Variants in SPATC1L observed in about 807,000 individuals in gnomAD.
SPATC1L encodes the protein spermatogenesis and centriole associated 1 like.
In SPATC1L, 20 loss-of-function variants were observed where a neutral mutation model predicts 21.2. The ratio of observed to expected loss-of-function variants is 0.94; its 90% CI spans 0.66 to 1.37. SPATC1L has a LOEUF of 1.37. Ranked by LOEUF, SPATC1L falls within the 40% of genes most tolerant of loss-of-function variation. SPATC1L has a pLI of 0.00. For missense variants in SPATC1L, 499 were observed against 478.7 expected (o/e 1.04, Z -0.40); for synonymous variants, 290 against 234.5 (o/e 1.24, Z -2.16).
Position 46,183,163 on chromosome 21 carries a change from C to A in SPATC1L, c.-347G>T. ...GTCCAAGCCACTCCCCATTGAGCGGCCCAGCCAGGGTCGGGTGTCCACCCT... is the reference window on the plus strand; with the variant it reads ...GTCCAAGCCACTCCCCATTGAGCGGACCAGCCAGGGTCGGGTGTCCACCCT... On this transcript the variant is annotated 5_prime_UTR_variant, in exon 2 of 5. Coordinates refer to ENST00000291672, the MANE Select transcript of SPATC1L (RefSeq NM_001142854.2). 1 of 308,926 alleles carries A rather than the reference C, an allele frequency of 3.2e-6. No homozygotes were observed. The highest frequency in any genetic ancestry group is 6.0e-6 in the Non-Finnish European group (1 of 166,950). The allele number at this position is 308,926 out of a possible 1,614,324, so 19.1% of individuals were successfully genotyped here. A position where few individuals can be genotyped will look rare whatever the true frequency, so the allele number is the denominator to read the frequency against.
chr21:46,170,310 G>C (rs1379873427), intron 2 of SPATC1L, among the ~76,000 whole-genome samples: 2 of 150,722 alleles, frequency 1.3e-5, no homozygotes, highest in African/African-American at 5.0e-5. Context: ...ATCCTCTGTG[G>C]ATGGGGAGGA....
At chr21:46,162,867 G>A (rs1003303074) in intron 3 of SPATC1L, among the ~76,000 whole-genome samples, 2 of 152,090 alleles carry the variant, frequency 1.3e-5, no homozygotes, top group South Asian at 2.1e-4. Flanking sequence ...GATTACAGGC[G>A]TGAGCCACCG....
chr21:46,176,204 A>G (rs939686143), intron 2 of SPATC1L, among the ~76,000 whole-genome samples: 1 of 150,206 alleles, frequency 6.7e-6, no homozygotes, highest in Non-Finnish European at 1.5e-5. Flanking sequence ...TCAAAACTCA[A>G]CCCCTCAAAA....
At chr21:46,165,004 G>A (rs887222941) in intron 3 of SPATC1L, among the ~76,000 whole-genome samples, 2 of 151,982 alleles carry the variant, frequency 1.3e-5, no homozygotes, top group Admixed American at 6.6e-5. Flanking sequence ...GCCAGACTTA[G>A]GGGAAAAAAG....
intron 3 of SPATC1L, among the ~76,000 whole-genome samples, chr21:46,163,562 A>C (rs906087926): frequency 2.0e-5 from 3 of 152,176 alleles, no homozygotes; most frequent in African/African-American, 7.2e-5. Flanking sequence ...ATTCCTTGGC[A>C]TGTGGATACC....
rs1173185657 is a variant in SPATC1L, at chr21:46,182,785, A to C, written c.32T>G (p.Leu11Arg). 6.5e-7 allele frequency: 1 copy of C among 1,545,402 alleles called. No homozygotes were observed. Among genetic ancestry groups the C allele is most frequent in the African/African-American group, 1.4e-5 (1 of 72,958 alleles). Residue 11 changes from leucine (L) to arginine (R), a missense_variant, in exon 2 of 5, where the codon CTC becomes CGC. Leu to Arg is a moderately radical substitution (Grantham distance 102). Transcript: ENST00000291672. MAEGGELMSR[L>R]LSENADLKKQ... ...CTTCAGGTCCGCGTTCTCGCTCAGG[A>C]GCCGGCTCATCAGCTCGCCGCCTTC...
At chr21:46,166,141 G>A (rs772065978) in intron 3 of SPATC1L, among the ~76,000 whole-genome samples, 13 of 152,142 alleles carry the variant, frequency 8.5e-5, no homozygotes, top group Non-Finnish European at 1.5e-4. Context: ...TGAGGTGGGC[G>A]GATCACTTGA....
chr21:46,165,217 A>G (rs1371855963), intron 3 of SPATC1L, among the ~76,000 whole-genome samples: 1 of 152,248 alleles, frequency 6.6e-6, no homozygotes, highest in East Asian at 1.9e-4. Context: ...ATAGCCTTAT[A>G]TCTGATAACC....
At position 46,161,709 on chromosome 21, in the gene SPATC1L, C is replaced by T. The variant is rs2079494400; in HGVS notation, c.697-4G>A. 2 of 1,576,882 alleles carry T rather than the reference C, an allele frequency of 1.3e-6. No homozygotes were observed. Among genetic ancestry groups the T allele is most frequent in the Admixed American group, 1.7e-5 (1 of 57,490 alleles). ...CGTCCAGAGACTTGGTGGAGGTCTG[C>T]GGGCGCAGCGCATGGATGGGGGTGG... On this transcript the variant is annotated splice_polypyrimidine_tract_variant and splice_region_variant and intron_variant, in intron 4 of 4. Transcript: ENST00000291672.
intron 2 of SPATC1L, among the ~76,000 whole-genome samples, chr21:46,177,695 C>T (rs1158660568): frequency 1.3e-5 from 2 of 152,116 alleles, no homozygotes; most frequent in South Asian, 2.1e-4. Flanking sequence ...GACAGTGTGG[C>T]GATTCCTCGA....
At chr21:46,168,153 C>T (rs2079553655) in intron 3 of SPATC1L, among the ~76,000 whole-genome samples, 155 bp downstream of exon 3, 2 of 152,228 alleles carry the variant, frequency 1.3e-5, no homozygotes, top group South Asian at 2.1e-4. Context: ...AGGACAGACA[C>T]AGCCTTGGAC....
intron 2 of SPATC1L, among the ~76,000 whole-genome samples, chr21:46,172,739 C>G (rs749661493): frequency 6.6e-6 from 1 of 152,166 alleles, no homozygotes; most frequent in African/African-American, 2.4e-5. Context: ...ACAGCTCCCA[C>G]GGAGGGCCTG....
At chr21:46,181,968 G>A (rs2079677433) in intron 2 of SPATC1L, among the ~76,000 whole-genome samples, 1 of 152,216 alleles carries the variant, frequency 6.6e-6, no homozygotes, top group Non-Finnish European at 1.5e-5. Context: ...TGCAGAAAGT[G>A]ACCAAACCCT....
At chr21:46,174,520 C>G (rs1040994634) in intron 2 of SPATC1L, among the ~76,000 whole-genome samples, 1 of 152,056 alleles carries the variant, frequency 6.6e-6, no homozygotes, top group Non-Finnish European at 1.5e-5. Context: ...ATCATAGTTT[C>G]TGACAAAACA....
At chr21:46,176,968 TA>T (rs1253599841) in intron 2 of SPATC1L, among the ~76,000 whole-genome samples, 1 of 152,112 alleles carries the variant, frequency 6.6e-6, no homozygotes, top group Non-Finnish European at 1.5e-5. Flanking sequence ...TGCACACCTA[TA>T]ACCACCTGAT....
intron 1 of SPATC1L, among the ~76,000 whole-genome samples, chr21:46,184,083 T>C (rs1398141668): frequency 1.3e-5 from 2 of 152,150 alleles, no homozygotes; most frequent in Non-Finnish European, 2.9e-5. Context: ...GGCCACCTAC[T>C]GACCTCACTC....
chr21:46,168,496 C>A lies in SPATC1L; in HGVS notation c.356G>T (p.Ser119Ile). The change falls in exon 3 of 5, where the codon AGT (serine) becomes ATT (isoleucine). Residue 119 changes from serine to isoleucine, a missense_variant. Ser to Ile is a moderately radical substitution (Grantham distance 142). Transcript: ENST00000291672. ...PSQAPFKAFLSPPEPHSHRGT... is the reference protein window; with the variant it reads ...PSQAPFKAFLIPPEPHSHRGT... ...TCGGTGGCTATGTGGCTCTGGGGGA[C>A]TGAGGAAGGCCTTGAAGGGTGCCTG... is the stretch of plus-strand genomic sequence containing the variant. 2.6e-6 allele frequency: 4 copies of A among 1,560,828 alleles called. No homozygotes were observed. The highest frequency in any genetic ancestry group is 3.5e-6 in the Non-Finnish European group (4 of 1,151,942).
At chr21:46,170,254 T>C (rs62214048) in intron 2 of SPATC1L, among the ~76,000 whole-genome samples, 5 of 104,352 alleles carry the variant, frequency 4.8e-5, no homozygotes, top group Non-Finnish European at 8.4e-5. Flanking sequence ...CCCCCTGCTC[T>C]GTGAGCATCC....
At chr21:46,162,403 T>C (rs1425372858) in intron 3 of SPATC1L, among the ~76,000 whole-genome samples, 1 of 151,958 alleles carries the variant, frequency 6.6e-6, no homozygotes, top group Admixed American at 6.5e-5. Context: ...CCTGGAGGTC[T>C]GAGTTGGGAC....
Sources: gnomAD v4.1 joint callset for allele counts (sites outside exome capture counted in the v4.1 genomes callset) on GRCh38, gnomAD v4.1.1 for gene constraint, MANE v1.5 for transcripts, NCBI Gene and HGNC (gene_info 2026-07-23, HGNC 2026-07-21) for gene names.